The following C1GALT1 variants were observed in gnomAD, a reference collection of about 807,000 sequenced individuals.
C1GALT1 encodes core 1 synthase, glycoprotein-N-acetylgalactosamine 3-beta-galactosyltransferase 1, also known as glycoprotein-N-acetylgalactosamine 3-beta-galactosyltransferase 1.
Under a neutral mutation model 31.0 loss-of-function variants are expected in C1GALT1, and 11 were observed. The ratio of observed to expected loss-of-function variants is 0.36; its 90% CI spans 0.22 to 0.59. The LOEUF is 0.59. Among genes scored for constraint, C1GALT1 ranks in the 20% least tolerant of loss-of-function variants. The pLI, the probability that C1GALT1 is intolerant of heterozygous loss-of-function variation, is 0.79. For missense variants in C1GALT1, 424 were observed against 425.2 expected (o/e 1.00, Z 0.03); for synonymous variants, 175 against 143.6 (o/e 1.22, Z -1.56).
At position 7,186,069 on chromosome 7, in the gene C1GALT1, G is replaced by T. The variant is rs557428503; in HGVS notation, c.-18+3249G>T. Reference sequence around the variant, plus strand: ...CCACATCTGGTGAGGGCATTTGCTGGTAGGGACTCTGCAGAGTCCTGAGGA... The same window carrying T: ...CCACATCTGGTGAGGGCATTTGCTGTTAGGGACTCTGCAGAGTCCTGAGGA... On this transcript the variant is annotated intron_variant, in intron 1 of 3. Coordinates refer to ENST00000436587, the MANE Select transcript of C1GALT1 (RefSeq NM_020156.5). 1.4e-4 allele frequency among the ~76,000 whole-genome samples: 22 copies of T among 152,208 alleles called. No homozygotes were observed. In the Middle Eastern group the frequency reaches 0.024, roughly 165 times the overall value.
At chr7:7,181,756 G>T (rs544545415), upstream of C1GALT1, among the ~76,000 whole-genome samples, 261 of 152,230 alleles carry the variant, frequency 1.7e-3, no homozygotes, top group African/African-American at 6.0e-3. Flanking sequence ...AAGGAAGCAG[G>T]GTAGCTTTCC....
At chr7:7,220,826 C>T (rs1448426165) in intron 1 of C1GALT1, among the ~76,000 whole-genome samples, 1 of 152,176 alleles carries the variant, frequency 6.6e-6, no homozygotes, top group East Asian at 1.9e-4. Flanking sequence ...TATCTTTATT[C>T]TTCCCTCACA....
chr7:7,162,614 C>A (rs1283097531), intron 2 of C1GALT1, among the ~76,000 whole-genome samples: 1 of 152,042 alleles, frequency 6.6e-6, no homozygotes, highest in Non-Finnish European at 1.5e-5. Flanking sequence ...GATTTATAGT[C>A]TTTTGGGTAT....
At chr7:7,210,367 T>G (rs1387933713) in intron 1 of C1GALT1, 1 of 151,496 alleles carries the variant, frequency 6.6e-6, no homozygotes. Flanking sequence ...GAAATGTATT[T>G]AAAGCTTCAA....
chr7:7,248,397 A>G lies in C1GALT1; in HGVS notation c.*4670A>G, dbSNP rs1005149782. The G allele has an allele frequency of 6.6e-6, 1 of 152,028 alleles. No homozygotes were observed. Among genetic ancestry groups the G allele is most frequent in the African/African-American group, 2.4e-5 (1 of 41,446 alleles). The allele number at this position is 152,028 out of a possible 1,614,324, so 9.4% of individuals were successfully genotyped here. ...AGGGAAACTAATCTTACTGCTAAGC[A>G]GTGTGTTGTACTACATAGTGAATGT... On this transcript the variant is annotated 3_prime_UTR_variant, in exon 4 of 4. Transcript: ENST00000436587.
Position 7,182,721 on chromosome 7 carries a change from C to T in C1GALT1, c.-117C>T. 1 of 829,278 alleles carries T rather than the reference C, an allele frequency of 1.2e-6. No individual in the cohort carries two copies. The highest frequency in any genetic ancestry group is 1.5e-6 in the Non-Finnish European group (1 of 687,136). 51.4% of individuals were successfully genotyped at this position (829,278 alleles called of 1,614,324 possible). The stretch of plus-strand genomic sequence containing the variant: ...GGCGGCCTCGGCTAGCGGCCACGAG[C>T]CACTTCTGCGGCTGCCCAGAGAAGC... On this transcript the variant is annotated 5_prime_UTR_variant, in exon 1 of 4. Transcript: ENST00000436587.
At chr7:7,181,497 T>C (rs1469777096), upstream of C1GALT1, among the ~76,000 whole-genome samples, 1 of 152,248 alleles carries the variant, frequency 6.6e-6, no homozygotes, top group Non-Finnish European at 1.5e-5. Context: ...CTACATGTGC[T>C]TTATGTTTCA....
chr7:7,219,169 T>C (rs935023127), intron 1 of C1GALT1, among the ~76,000 whole-genome samples: 68 of 152,306 alleles, frequency 4.5e-4, no homozygotes, highest in African/African-American at 1.6e-3. Context: ...AAATACATGA[T>C]TTGTGTTAAC....
rs905995460 is a variant in C1GALT1, at chr7:7,234,770, G to C, written c.220+231G>C. On this transcript the variant is annotated intron_variant, in intron 2 of 3. Coordinates refer to ENST00000436587, the MANE Select transcript of C1GALT1 (RefSeq NM_020156.5). ...AATAGTTCAGAACCCATGATTTGGGGAAGGGCATAACTATTCAGATTTGAT... is the reference window on the plus strand; with the variant it reads ...AATAGTTCAGAACCCATGATTTGGGCAAGGGCATAACTATTCAGATTTGAT... 7 of 396,738 alleles carry C rather than the reference G, an allele frequency of 1.8e-5. No individual in the cohort carries two copies. In the East Asian group the frequency reaches 3.2e-4, roughly 18 times the overall value. 24.6% of individuals were successfully genotyped at this position (396,738 alleles called of 1,614,324 possible).
chr7:7,232,661 T>C (rs1783143085), intron 1 of C1GALT1, among the ~76,000 whole-genome samples: 1 of 152,172 alleles, frequency 6.6e-6, no homozygotes, highest in African/African-American at 2.4e-5. Flanking sequence ...GGCTAATTTT[T>C]GTATTTTTAG....
In C1GALT1 at chr7:7,166,741, A is replaced by T. The variant is rs1780396529; in HGVS notation, c.-18+9315A>T. On this transcript the variant is annotated intron_variant, in intron 2 of 3. Coordinates refer to the C1GALT1 transcript ENST00000429911. ...GACTACATTTTTTAAAAATCAGTTA[A>T]ATGGAGTTGCTAATGCCTACCACAG... is the stretch of plus-strand genomic sequence containing the variant. Among the ~76,000 whole-genome samples, 3 of 152,200 alleles carry T rather than the reference A, an allele frequency of 2.0e-5. No individual in the cohort carries two copies. The South Asian group carries it at 6.2e-4, about 31-fold the overall frequency.
At chr7:7,236,299 C>T (rs1783346782) in intron 2 of C1GALT1, among the ~76,000 whole-genome samples, 1 of 152,038 alleles carries the variant, frequency 6.6e-6, no homozygotes, top group African/African-American at 2.4e-5. Context: ...AATTATTTAT[C>T]AAGTTCAGCG....
chr7:7,242,571 C>A (rs1186718458), intron 3 of C1GALT1, among the ~76,000 whole-genome samples: 1 of 152,038 alleles, frequency 6.6e-6, no homozygotes, highest in African/African-American at 2.4e-5. Context: ...ACAAAGATGT[C>A]AGATGGAGCC....
At chr7:7,192,698 G>A (rs1363384231) in intron 1 of C1GALT1, among the ~76,000 whole-genome samples, 1 of 152,140 alleles carries the variant, frequency 6.6e-6, no homozygotes, top group East Asian at 1.9e-4. Context: ...TCAAATGTTA[G>A]ATCTACTTTT....
chr7:7,194,332 C>T (rs778936399), intron 1 of C1GALT1, among the ~76,000 whole-genome samples: 2 of 151,922 alleles, frequency 1.3e-5, no homozygotes, highest in Non-Finnish European at 2.9e-5. Context: ...GCTTTTATTA[C>T]CTTAAGGCAT....
intron 3 of C1GALT1, 95 bp from the exon 4 acceptor site, chr7:7,243,429 T>G: frequency 9.7e-7 from 1 of 1,030,462 alleles, no homozygotes; most frequent in Non-Finnish European, 1.4e-6. Flanking sequence ...AATGTTTGTA[T>G]TCTTTTAAAA....
chr7:7,183,654 G>T (rs1780689905), intron 1 of C1GALT1: 2 of 950,152 alleles, frequency 2.1e-6, no homozygotes, highest in African/African-American at 1.8e-5. Flanking sequence ...ATTCTTTCCT[G>T]GTCCTTACCG....
At chr7:7,234,117 A>C in intron 1 of C1GALT1, 186 bp from the exon 2 acceptor site, 1 of 583,154 alleles carries the variant, frequency 1.7e-6, no homozygotes, top group Non-Finnish European at 3.0e-6. Context: ...CCTACTAATT[A>C]ATCTGGTTTT....
intron 1 of C1GALT1, among the ~76,000 whole-genome samples, chr7:7,232,538 G>A (rs1783136518): frequency 6.6e-6 from 1 of 150,638 alleles, no homozygotes; most frequent in Non-Finnish European, 1.5e-5. Context: ...TGTCACCCAG[G>A]CTGTAATACA....
Sources: gnomAD v4.1 joint callset for allele counts (sites outside exome capture counted in the v4.1 genomes callset) on GRCh38, gnomAD v4.1.1 for gene constraint, MANE v1.5 for transcripts, NCBI Gene and HGNC (gene_info 2026-07-23, HGNC 2026-07-21) for gene names.